Variants in STAG1 observed in about 807,000 individuals in gnomAD.
The protein encoded by STAG1 is cohesin subunit SA-1.
STAG1 carries 26 observed loss-of-function variants against 170.9 expected under a neutral mutation model. That is an observed-to-expected ratio of 0.15 (90% CI 0.11 to 0.21). The LOEUF (loss-of-function observed/expected upper bound fraction) is 0.21, where lower values mean the gene tolerates loss of function less well. Among genes scored for constraint, STAG1 ranks in the 10% least tolerant of loss-of-function variants. The pLI, the probability that STAG1 is intolerant of heterozygous loss-of-function variation, is 1.00. For synonymous variants in STAG1, 514 were observed against 497.7 expected (o/e 1.03, Z -0.44); for missense variants, 964 against 1,509.5 (o/e 0.64, Z 5.99).
chr3:136,519,955 ACT>A (rs1559854700), intron 7 of STAG1, among the ~76,000 whole-genome samples: 2 of 152,098 alleles, frequency 1.3e-5, no homozygotes, highest in East Asian at 1.9e-4. Flanking sequence ...AGAAAAGAAC[ACT>A]CTCAGAAAAA....
chr3:136,526,363 CTCTT>C (rs979857202), intron 6 of STAG1, among the ~76,000 whole-genome samples: 7 of 152,118 alleles, frequency 4.6e-5, no homozygotes, highest in East Asian at 1.9e-4. Context: ...CCTTCTTTGT[CTCTT>C]TCTATCTTTG....
chr3:136,376,169 CAATAAAGATACTT>C (rs1188074965), intron 23 of STAG1, among the ~76,000 whole-genome samples: 1 of 146,674 alleles, frequency 6.8e-6, no homozygotes, highest in Non-Finnish European at 1.5e-5. Context: ...GCTGATAACT[CAATAAAGATACTT>C]GTCACTATTT....
At chr3:136,455,520 C>T (rs562690588) in intron 13 of STAG1, among the ~76,000 whole-genome samples, 1 of 152,308 alleles carries the variant, frequency 6.6e-6, no homozygotes, top group South Asian at 2.1e-4. Context: ...CACGGAACCA[C>T]TGGGAGTGCC....
chr3:136,376,719 G>A (rs1401451978), intron 23 of STAG1, among the ~76,000 whole-genome samples: 1 of 152,160 alleles, frequency 6.6e-6, no homozygotes, highest in East Asian at 1.9e-4. Context: ...GTGGGAAGGA[G>A]CTGAAGGTAA....
At chr3:136,485,384 G>A (rs1324224126) in intron 9 of STAG1, among the ~76,000 whole-genome samples, 1 of 152,102 alleles carries the variant, frequency 6.6e-6, no homozygotes, top group Non-Finnish European at 1.5e-5. Flanking sequence ...TTGAACCCAG[G>A]AGGCGGAGGT....
At chr3:136,590,530 A>G (rs968555140) in intron 4 of STAG1, among the ~76,000 whole-genome samples, 3 of 152,018 alleles carry the variant, frequency 2.0e-5, no homozygotes, top group African/African-American at 7.2e-5. Context: ...CAAAAAAACT[A>G]AAAGACTGGG....
At chr3:136,525,893 T>C (rs1468408898) in intron 6 of STAG1, among the ~76,000 whole-genome samples, 1 of 152,220 alleles carries the variant, frequency 6.6e-6, no homozygotes, top group African/African-American at 2.4e-5. Context: ...AGTTTCCATG[T>C]AGTTGAGCAG....
chr3:136,349,036 G>T, intron 29 of STAG1, 122 bp downstream of exon 29: 1 of 765,336 alleles, frequency 1.3e-6, no homozygotes, highest in Non-Finnish European at 2.1e-6. Flanking sequence ...ACATCTCATT[G>T]TGAATAAAAT....
At chr3:136,397,640 CCT>C (rs1428874717) in intron 22 of STAG1, among the ~76,000 whole-genome samples, 1 of 152,002 alleles carries the variant, frequency 6.6e-6, no homozygotes, top group Non-Finnish European at 1.5e-5. Context: ...CTAGTTCACC[CCT>C]GTGGTAAGAG....
At chr3:136,690,978 C>T (rs965391379) in intron 1 of STAG1, among the ~76,000 whole-genome samples, 6 of 151,308 alleles carry the variant, frequency 4.0e-5, no homozygotes, top group Admixed American at 2.0e-4. Flanking sequence ...CTGAGTCAGA[C>T]ATGCATTTTC....
Position 136,521,170 on chromosome 3 carries a change from C to T in STAG1, c.676+43G>A, listed in dbSNP as rs776795202. The T allele has an allele frequency of 8.7e-6, 13 of 1,500,256 alleles. No homozygotes were observed. The South Asian group carries it at 1.4e-4, about 16-fold the overall frequency. 92.9% of individuals were successfully genotyped at this position (1,500,256 alleles called of 1,614,324 possible). Reference sequence around the variant, plus strand: ...GTTTGTAATCAGAATAAAACATAGTCAACAAAACTAAATGAAAAGGAAATA... The same window carrying T: ...GTTTGTAATCAGAATAAAACATAGTTAACAAAACTAAATGAAAAGGAAATA... On this transcript the variant is annotated intron_variant, in intron 7 of 33. Transcript: ENST00000383202.
intron 1 of STAG1, among the ~76,000 whole-genome samples, chr3:136,646,629 T>C (rs1043664990): frequency 9.2e-5 from 14 of 152,204 alleles, no homozygotes; most frequent in African/African-American, 3.4e-4. Context: ...TAGTTAAAAA[T>C]AATATAGTTT....
At chr3:136,389,063 C>A (rs2086942395) in intron 22 of STAG1, among the ~76,000 whole-genome samples, 1 of 151,758 alleles carries the variant, frequency 6.6e-6, no homozygotes, top group African/African-American at 2.4e-5. Context: ...CCCAAAGTGT[C>A]TAAATATTCT....
At chr3:136,623,015 G>C (rs970155125) in intron 3 of STAG1, 131 bp downstream of exon 3, 16 of 693,486 alleles carry the variant, frequency 2.3e-5, no homozygotes, top group Non-Finnish European at 3.4e-5. Flanking sequence ...GTGAAAAAAA[G>C]TTTCCAATCT....
chr3:136,736,854 G>A, intron 1 of STAG1: 2 of 1,581,374 alleles, frequency 1.3e-6, no homozygotes, highest in South Asian at 1.1e-5. Flanking sequence ...CTTTCACAGT[G>A]TGGTCAACGT....
At position 136,695,587 on chromosome 3, in the gene STAG1, A is replaced by G. The variant is rs77647066; in HGVS notation, c.-84+56608T>C. Reference sequence around the variant, plus strand: ...TGACTTGGTTTAACATCAAACACACAAAAGTCGAAATAAAAACCAAGTGCA... The same window carrying G: ...TGACTTGGTTTAACATCAAACACACGAAAGTCGAAATAAAAACCAAGTGCA... On this transcript the variant is annotated intron_variant, in intron 1 of 33. Transcript: ENST00000383202. Among the ~76,000 whole-genome samples the G allele has an allele frequency of 7.5e-3, 1,145 of 152,198 alleles. 18 individuals are homozygous for G. The highest frequency in any genetic ancestry group is 0.026 in the African/African-American group (1,092 of 41,506).
At chr3:136,445,276 C>T (rs1007246359) in intron 14 of STAG1, among the ~76,000 whole-genome samples, 8 of 152,054 alleles carry the variant, frequency 5.3e-5, no homozygotes, top group African/African-American at 1.7e-4. Flanking sequence ...TTTCCTAATT[C>T]GCATATTCTG....
rs143144900 is a variant in STAG1 at position 136,713,087 on chromosome 3, C to T, written c.-84+39108G>A. Among the ~76,000 whole-genome samples the T allele has an allele frequency of 9.9e-4, 150 of 152,082 alleles. 1 individual carries two copies. The highest frequency in any genetic ancestry group is 3.5e-3 in the African/African-American group (147 of 41,494). On this transcript the variant is annotated intron_variant, in intron 1 of 33. Coordinates refer to ENST00000383202, the MANE Select transcript of STAG1 (RefSeq NM_005862.3). ...AGGCAGGGCAACAAAAGCAAAACTC[C>T]GTCTCAAAACAAAACCACAAGAGTG...
intron 4 of STAG1, among the ~76,000 whole-genome samples, chr3:136,574,243 C>T (rs558027610): frequency 6.6e-6 from 1 of 150,888 alleles, no homozygotes; most frequent in Non-Finnish European, 1.5e-5. Context: ...CTCTGTCCCC[C>T]CAAAAAAAAA....
Sources: gnomAD v4.1 joint callset for allele counts (sites outside exome capture counted in the v4.1 genomes callset) on GRCh38, gnomAD v4.1.1 for gene constraint, MANE v1.5 for transcripts, NCBI Gene and HGNC (gene_info 2026-07-23, HGNC 2026-07-21) for gene names.